The following UROD variants were observed in gnomAD, a reference collection of about 807,000 sequenced individuals.
UROD encodes uroporphyrinogen III decarboxylase.
UROD carries 34 observed loss-of-function variants against 47.1 expected under a neutral mutation model. The ratio of observed to expected loss-of-function variants is 0.72; its 90% CI spans 0.55 to 0.96. The LOEUF (loss-of-function observed/expected upper bound fraction) is 0.96. Ranked by LOEUF, UROD falls within the 40% of genes least tolerant of loss-of-function variation. The probability of loss-of-function intolerance (pLI) is 0.00; values close to 1 mark genes in which losing one functional copy is unlikely to be tolerated. For synonymous variants in UROD, 148 were observed against 175.8 expected (o/e 0.84, Z 1.25); for missense variants, 381 against 471.8 (o/e 0.81, Z 1.78).
intron 6 of UROD, 56 bp from the exon 7 acceptor site, chr1:45,014,383 T>A (rs1017666403): frequency 6.2e-7 from 1 of 1,612,940 alleles, no homozygotes; most frequent in Non-Finnish European, 8.5e-7. Context: ...ATTTTGTATG[T>A]GGGGGAAACT....
Position 45,013,917 on chromosome 1 carries a change from G to A in UROD, c.483G>A (p.Leu161=). The A allele has an allele frequency of 6.2e-7, 1 of 1,614,228 alleles. No individual in the cohort carries two copies. Among genetic ancestry groups the A allele is most frequent in the Non-Finnish European group, 8.5e-7 (1 of 1,180,046 alleles). ...TTTCTATCCTTCTCTAGTGGACCCTGATGACATACATGGTTGAGGGTGGTG... is the reference window on the plus strand; with the variant it reads ...TTTCTATCCTTCTCTAGTGGACCCTAATGACATACATGGTTGAGGGTGGTG... ...LIGFAGAPWT[L]MTYMVEGGGS... Residue 161 remains leucine, a synonymous_variant, in exon 6 of 10, where the codon CTG becomes CTA. Coordinates refer to ENST00000246337, the MANE Select transcript of UROD (RefSeq NM_000374.5). This position sits in a 1 kb window ranked among gnomAD's most constrained non-coding sequence, Gnocchi z 4.2.
rs748806665 is a variant in UROD at position 45,013,274 on chromosome 1, G to A, written c.214-18G>A. 6.2e-7 allele frequency: 1 copy of A among 1,614,164 alleles called. No individual in the cohort carries two copies. On this transcript the variant is annotated intron_variant, in intron 3 of 9. Coordinates refer to ENST00000246337, the MANE Select transcript of UROD (RefSeq NM_000374.5). The surrounding 1 kb of genome is among the most constrained non-coding windows in gnomAD (Gnocchi z 4.2). Reference sequence around the variant, plus strand: ...CCTTCAGTCTGCCACCTAGCAACCTGTCTCCTGTTTCCTACAGCCACTGCG... The same window carrying A: ...CCTTCAGTCTGCCACCTAGCAACCTATCTCCTGTTTCCTACAGCCACTGCG...
In UROD at chr1:45,015,552, G is replaced by A. The variant is rs969762215; in HGVS notation, c.*54G>A. ...AACACAGATGATTGATCGTTTCCAGGACAATAAAAGTTTCGGAGTTGAACT... is the reference window on the plus strand; with the variant it reads ...AACACAGATGATTGATCGTTTCCAGAACAATAAAAGTTTCGGAGTTGAACT... On this transcript the variant is annotated 3_prime_UTR_variant, in exon 10 of 10. Transcript: ENST00000246337. 4.3e-6 allele frequency: 7 copies of A among 1,613,274 alleles called. No homozygotes were observed. The highest frequency in any genetic ancestry group is 1.7e-5 in the Admixed American group (1 of 60,008).
In UROD at chr1:45,013,977, C is replaced by T; in HGVS notation, c.543C>T (p.Leu181=). 6.2e-7 allele frequency: 1 copy of T among 1,614,236 alleles called. No homozygotes were observed. The highest frequency in any genetic ancestry group is 8.5e-7 in the Non-Finnish European group (1 of 1,180,048). The change falls in exon 6 of 10, where the codon CTC becomes CTT. Residue 181 remains leucine (L), a synonymous_variant. Coordinates refer to ENST00000246337, the MANE Select transcript of UROD (RefSeq NM_000374.5). The surrounding 1 kb of genome is among the most constrained non-coding windows in gnomAD (Gnocchi z 4.2). ...SSTMAQAKRW[L]YQRPQASHQL... ...CCATGGCTCAGGCCAAGCGCTGGCT[C>T]TATCAGAGACCTCAGGCTAGTCACC... is the stretch of plus-strand genomic sequence containing the variant.
chr1:45,013,055 CG>C lies in UROD; in HGVS notation c.133+38del. 1 of 1,614,086 alleles carries C rather than the reference CG, an allele frequency of 6.2e-7. No individual in the cohort carries two copies. Among genetic ancestry groups the C allele is most frequent in the Non-Finnish European group, 8.5e-7 (1 of 1,180,020 alleles). On this transcript the variant is annotated intron_variant, in intron 2 of 9. Transcript: ENST00000246337. The surrounding 1 kb of genome is among the most constrained non-coding windows in gnomAD (Gnocchi z 4.2). ...GGGTCTGGAAATCTAGATAAAACTC[CG>C]GAGGGAGAAAAGTTTTCGAGGGGCA...
At position 45,015,386 on chromosome 1, in the gene UROD, A is replaced by T; in HGVS notation, c.992A>T (p.His331Leu). ...CAGATGCTGGATGACTTTGGACCACATCGCTACATTGCCAACCTGGGCCAT... is the reference window on the plus strand; with the variant it reads ...CAGATGCTGGATGACTTTGGACCACTTCGCTACATTGCCAACCTGGGCCAT... ...VKQMLDDFGP[H>L]RYIANLGHGL... is the part of the protein sequence containing the mutation. The change falls in exon 10 of 10, where the codon CAT (histidine) becomes CTT (leucine). Residue 331 changes from histidine to leucine, a missense_variant. Transcript: ENST00000246337. The T allele has an allele frequency of 1.2e-6, 2 of 1,614,234 alleles. No individual in the cohort carries two copies. The highest frequency in any genetic ancestry group is 8.5e-7 in the Non-Finnish European group (1 of 1,180,054).
chr1:45,014,187 C>A, intron 6 of UROD, 117 bp downstream of exon 6: 1 of 1,503,650 alleles, frequency 6.7e-7, no homozygotes, highest in Non-Finnish European at 9.2e-7. Flanking sequence ...GAACCTTGGC[C>A]TCCAGTGATC....
Position 45,014,554 on chromosome 1 carries a change from C to T in UROD, c.752C>T (p.Ala251Val). ...CAAGTGAAGGCCAGGTTGCGGGAGG[C>T]AGGCCTGGCACCAGTGCCCATGGTG... ...AKQVKARLRE[A>V]GLAPVPMIIF... is the part of the protein sequence containing the mutation. The change falls in exon 7 of 10, where the codon GCA (alanine) becomes GTA (valine). Residue 251 changes from alanine (A) to valine (V), a missense_variant. Transcript: ENST00000246337. 6.2e-7 allele frequency: 1 copy of T among 1,614,206 alleles called. No homozygotes were observed. Among genetic ancestry groups the T allele is most frequent in the Non-Finnish European group, 8.5e-7 (1 of 1,180,036 alleles).
chr1:45,013,107 G>C lies in UROD; in HGVS notation c.134-29G>C, dbSNP rs1644817330. ...GGGGAGGGCTCTGGAGGGCCTCAAGGCTGAGCCCTGTCTTCCCTCTGTATG... is the reference window on the plus strand; with the variant it reads ...GGGGAGGGCTCTGGAGGGCCTCAAGCCTGAGCCCTGTCTTCCCTCTGTATG... On this transcript the variant is annotated intron_variant, in intron 2 of 9. Transcript: ENST00000246337. The surrounding 1 kb of genome is among the most constrained non-coding windows in gnomAD (Gnocchi z 4.2). 1 of 1,614,160 alleles carries C rather than the reference G, an allele frequency of 6.2e-7. No individual in the cohort carries two copies. The highest frequency in any genetic ancestry group is 1.1e-5 in the South Asian group (1 of 91,088).
rs774080899 is a variant in UROD, at chr1:45,014,034, C to G, written c.600C>G (p.Val200=). The G allele has an allele frequency of 6.2e-7, 1 of 1,614,110 alleles. No individual in the cohort carries two copies. The highest frequency in any genetic ancestry group is 8.5e-7 in the Non-Finnish European group (1 of 1,180,058). ...QLLRILTDAL[V]PYLVGQVVAG... is the part of the protein sequence containing the mutation. ...TTCGCATCCTCACTGATGCTCTGGT[C>G]CCATATCTGGTAGGACAAGTGGTGG... is the stretch of plus-strand genomic sequence containing the variant. Residue 200 remains valine (V), a synonymous_variant, in exon 6 of 10, where the codon GTC becomes GTG. Coordinates refer to ENST00000246337, the MANE Select transcript of UROD (RefSeq NM_000374.5).
rs902086030 is a variant in UROD at position 45,012,596 on chromosome 1, C to T, written c.20+311C>T. The T allele has an allele frequency of 8.1e-6, 5 of 616,922 alleles. No homozygotes were observed. In the East Asian group the frequency reaches 1.4e-4, roughly 17 times the overall value. The allele number at this position is 616,922 out of a possible 1,614,324, so 38.2% of individuals were successfully genotyped here. ...CCCAGTGACATTCCCGTTTCTGAGG[C>T]TCACTAGTTCGAAGACCCCCAAACT... is the stretch of plus-strand genomic sequence containing the variant. On this transcript the variant is annotated intron_variant, in intron 1 of 9. Coordinates refer to ENST00000246337, the MANE Select transcript of UROD (RefSeq NM_000374.5).
At position 45,015,566 on chromosome 1, in the gene UROD, C is replaced by T. The variant is rs138202806; in HGVS notation, c.*68C>T. On this transcript the variant is annotated 3_prime_UTR_variant, in exon 10 of 10. Coordinates refer to ENST00000246337, the MANE Select transcript of UROD (RefSeq NM_000374.5). ...ATCGTTTCCAGGACAATAAAAGTTT[C>T]GGAGTTGAACTATTGTGTAGTTTTG... 20 of 1,611,024 alleles carry T rather than the reference C, an allele frequency of 1.2e-5. No homozygotes were observed. In the African/African-American group the frequency reaches 1.3e-4, roughly 11 times the overall value.
Position 45,013,993 on chromosome 1 carries a change from G to A in UROD, c.559G>A (p.Ala187Thr), listed in dbSNP as rs1644827274. The A allele has an allele frequency of 6.2e-7, 1 of 1,614,240 alleles. No individual in the cohort carries two copies. The change falls in exon 6 of 10, where the codon GCT becomes ACT. Residue 187 changes from alanine (A) to threonine (T), a missense_variant. Ala to Thr is a moderately conservative substitution (Grantham distance 58). Coordinates refer to ENST00000246337, the MANE Select transcript of UROD (RefSeq NM_000374.5). This position sits in a 1 kb window ranked among gnomAD's most constrained non-coding sequence, Gnocchi z 4.2. ...AKRWLYQRPQ[A>T]SHQLLRILTD... is the part of the protein sequence containing the mutation. Reference sequence around the variant, plus strand: ...GCGCTGGCTCTATCAGAGACCTCAGGCTAGTCACCAGCTGCTTCGCATCCT... The same window carrying A: ...GCGCTGGCTCTATCAGAGACCTCAGACTAGTCACCAGCTGCTTCGCATCCT...
At chr1:45,012,556 C>T (rs1419389427) in intron 1 of UROD, 4 of 622,658 alleles carry the variant, frequency 6.4e-6, no homozygotes, top group Admixed American at 2.9e-5. Context: ...GGGTATTTCT[C>T]AGCCCCTGAA....
rs2148982952 is a variant in UROD at position 45,014,022 on chromosome 1, T to C, written c.588T>C (p.Thr196=). The part of the protein sequence containing the change: ...QASHQLLRIL[T]DALVPYLVGQ... ...GTCACCAGCTGCTTCGCATCCTCAC[T>C]GATGCTCTGGTCCCATATCTGGTAG... The change falls in exon 6 of 10, where the codon ACT becomes ACC. Residue 196 remains threonine (T), a synonymous_variant. Coordinates refer to ENST00000246337, the MANE Select transcript of UROD (RefSeq NM_000374.5). 6.2e-7 allele frequency: 1 copy of C among 1,614,232 alleles called. No homozygotes were observed. Among genetic ancestry groups the C allele is most frequent in the African/African-American group, 1.3e-5 (1 of 75,056 alleles).
Position 45,014,952 on chromosome 1 carries a change from G to A in UROD, c.888G>A (p.Gly296=). 1 of 1,614,118 alleles carries A rather than the reference G, an allele frequency of 6.2e-7. No individual in the cohort carries two copies. The highest frequency in any genetic ancestry group is 8.5e-7 in the Non-Finnish European group (1 of 1,179,992). ...GCTTTGCTTCCAGGGAGTGTGTGGGGAAGACGGTGACATTGCAGGGCAACC... is the reference window on the plus strand; with the variant it reads ...GCTTTGCTTCCAGGGAGTGTGTGGGAAAGACGGTGACATTGCAGGGCAACC... ...VAPKKARECV[G]KTVTLQGNLD... The change falls in exon 9 of 10, where the codon GGG becomes GGA. Residue 296 remains glycine (G), a synonymous_variant. Coordinates refer to ENST00000246337, the MANE Select transcript of UROD (RefSeq NM_000374.5).
chr1:45,014,043 G>A lies in UROD; in HGVS notation c.609G>A (p.Leu203=), dbSNP rs1644827912. The A allele has an allele frequency of 1.2e-6, 2 of 1,614,112 alleles. No individual in the cohort carries two copies. Among genetic ancestry groups the A allele is most frequent in the Admixed American group, 1.7e-5 (1 of 60,008 alleles). ...TCACTGATGCTCTGGTCCCATATCT[G>A]GTAGGACAAGTGGTGGCTGGTGCCC... ...RILTDALVPY[L]VGQVVAGAQA... The change falls in exon 6 of 10, where the codon CTG becomes CTA. Residue 203 remains leucine, a synonymous_variant. Transcript: ENST00000246337.
At position 45,012,903 on chromosome 1, in the gene UROD, C is replaced by T; in HGVS notation, c.21-4C>T. On this transcript the variant is annotated splice_polypyrimidine_tract_variant and splice_region_variant and intron_variant, in intron 1 of 9. Coordinates refer to ENST00000246337, the MANE Select transcript of UROD (RefSeq NM_000374.5). ...ACCTACCCCCACCCCCACCTGATCG[C>T]CAGACCTCAGGGTTTTCCGGAGCTG... The T allele has an allele frequency of 6.2e-7, 1 of 1,613,622 alleles. No individual in the cohort carries two copies. Among genetic ancestry groups the T allele is most frequent in the Non-Finnish European group, 8.5e-7 (1 of 1,179,866 alleles).
In UROD at chr1:45,013,029, A is replaced by G. The variant is rs1324424552; in HGVS notation, c.133+10A>G. ...GGCCGTTACTTACCAGGTAAGAGTC[A>G]GGGTCTGGAAATCTAGATAAAACTC... On this transcript the variant is annotated intron_variant, in intron 2 of 9. Transcript: ENST00000246337. This position sits in a 1 kb window ranked among gnomAD's most constrained non-coding sequence, Gnocchi z 4.2. The G allele has an allele frequency of 1.2e-6, 2 of 1,614,148 alleles. No individual in the cohort carries two copies. Among genetic ancestry groups the G allele is most frequent in the South Asian group, 1.1e-5 (1 of 91,084 alleles).
Sources: allele counts gnomAD v4.1 joint callset, GRCh38; gene constraint gnomAD v4.1.1; non-coding constraint Gnocchi (gnomAD v3.1); transcripts MANE v1.5; gene names NCBI Gene and HGNC (gene_info 2026-07-23, HGNC 2026-07-21).